The following ENTREP2 variants were observed in gnomAD, a reference collection of about 807,000 sequenced individuals.
The protein encoded by ENTREP2 is endosomal transmembrane epsin interactor 2.
chr15:29,343,092 C>T, the ENTREP2 span, among the ~76,000 whole-genome samples: 5 of 149,450 alleles, frequency 3.3e-5, no homozygotes, highest in Admixed American at 6.8e-5. Flanking sequence ...GTGGAAAAAG[C>T]GAAGGTACAT....
the ENTREP2 span, among the ~76,000 whole-genome samples, chr15:29,648,937 A>AG: frequency 6.8e-6 from 1 of 147,106 alleles, no homozygotes; most frequent in African/African-American, 2.5e-5. Context: ...GAAAACTCTA[A>AG]AAAAAAAAAA....
the ENTREP2 span, among the ~76,000 whole-genome samples, chr15:29,498,230 G>GT: frequency 1.4e-4 from 22 of 152,280 alleles, no homozygotes; most frequent in Middle Eastern, 3.4e-3. Context: ...ATGTGGAACT[G>GT]TGAGTCAATT....
chr15:29,536,539 G>A, the ENTREP2 span, among the ~76,000 whole-genome samples: 1 of 151,332 alleles, frequency 6.6e-6, no homozygotes, highest in Non-Finnish European at 1.5e-5. Flanking sequence ...GGGAGGCAGA[G>A]GTTGCAGTGA....
At chr15:29,179,640 G>C in the ENTREP2 span, among the ~76,000 whole-genome samples, 3 of 151,554 alleles carry the variant, frequency 2.0e-5, no homozygotes, top group Non-Finnish European at 4.4e-5. Flanking sequence ...GAGTGCAGTG[G>C]TGCGATCTCA....
the ENTREP2 span, among the ~76,000 whole-genome samples, chr15:29,380,335 G>A: frequency 1.3e-5 from 2 of 152,170 alleles, no homozygotes; most frequent in Non-Finnish European, 2.9e-5. Flanking sequence ...CATGAAGGAA[G>A]AGGTGTTTTT....
the ENTREP2 span, chr15:29,151,847 A>C: frequency 6.5e-7 from 1 of 1,546,524 alleles, no homozygotes; most frequent in South Asian, 1.2e-5. Flanking sequence ...AGATCCTGCG[A>C]GGAAAGGTGC....
At chr15:29,448,868 A>T in the ENTREP2 span, among the ~76,000 whole-genome samples, 1 of 152,188 alleles carries the variant, frequency 6.6e-6, no homozygotes, top group Non-Finnish European at 1.5e-5. Context: ...AAAGTATAAA[A>T]GATACAAATG....
chr15:29,173,498 T>C, the ENTREP2 span, among the ~76,000 whole-genome samples: 1 of 152,184 alleles, frequency 6.6e-6, no homozygotes, highest in African/African-American at 2.4e-5. Context: ...TGTGAGGGGA[T>C]GACTGGCTTA....
the ENTREP2 span, among the ~76,000 whole-genome samples, chr15:29,384,404 C>T: frequency 2.0e-5 from 3 of 152,164 alleles, no homozygotes; most frequent in African/African-American, 4.8e-5. Context: ...TGCCGGCACG[C>T]TCCTGTTTCA....
chr15:29,641,216 ATACT>A, the ENTREP2 span, among the ~76,000 whole-genome samples: 1 of 152,202 alleles, frequency 6.6e-6, no homozygotes, highest in South Asian at 2.1e-4. Flanking sequence ...AGCTAATATC[ATACT>A]TAGTAGAGAG....
the ENTREP2 span, among the ~76,000 whole-genome samples, chr15:29,461,920 C>T: frequency 6.6e-6 from 1 of 152,004 alleles, no homozygotes; most frequent in Non-Finnish European, 1.5e-5. Context: ...TCCCTAGCCC[C>T]GTCCCTGGCA....
At chr15:29,279,941 A>G in the ENTREP2 span, among the ~76,000 whole-genome samples, 357 of 144,788 alleles carry the variant, frequency 2.5e-3, 1 homozygote, top group Middle Eastern at 7.1e-3. Context: ...GCTCGCCTGG[A>G]AAAAAAAAAA....
At chr15:29,395,653 G>A in the ENTREP2 span, among the ~76,000 whole-genome samples, 2 of 150,930 alleles carry the variant, frequency 1.3e-5, no homozygotes, top group East Asian at 2.0e-4. Flanking sequence ...TCAGCCTCCC[G>A]AGTAGTTGGG....
the ENTREP2 span, among the ~76,000 whole-genome samples, chr15:29,258,074 G>A: frequency 7.2e-5 from 11 of 152,038 alleles, no homozygotes; most frequent in Non-Finnish European, 1.0e-4. Context: ...TTAGCCGGGC[G>A]TGCTGGCACG....
At chr15:29,283,353 C>T in the ENTREP2 span, among the ~76,000 whole-genome samples, 1 of 152,172 alleles carries the variant, frequency 6.6e-6, no homozygotes, top group Non-Finnish European at 1.5e-5. Context: ...TCTATCTCTT[C>T]TTCTTTTTTT....
At chr15:29,336,308 T>C in the ENTREP2 span, among the ~76,000 whole-genome samples, 1 of 151,744 alleles carries the variant, frequency 6.6e-6, no homozygotes, top group African/African-American at 2.4e-5. Flanking sequence ...CCAACATTAA[T>C]ATGGTTTGTT....
the ENTREP2 span, among the ~76,000 whole-genome samples, chr15:29,284,854 C>T: frequency 2.6e-5 from 4 of 152,220 alleles, no homozygotes; most frequent in Non-Finnish European, 4.4e-5. Context: ...GAGTGAATCT[C>T]GTAATATTTA....
the ENTREP2 span, among the ~76,000 whole-genome samples, chr15:29,401,518 G>A: frequency 6.6e-6 from 1 of 152,178 alleles, no homozygotes; most frequent in Non-Finnish European, 1.5e-5. Context: ...GATGGCAAAG[G>A]GCAGAGGGGA....
chr15:29,233,768 T>C, the ENTREP2 span: 2,120 of 1,534,532 alleles, frequency 1.4e-3, 19 homozygotes, highest in African/African-American at 0.025. Flanking sequence ...ATCAGTCTGA[T>C]GATGTGTGTG....
Sources: gnomAD v4.1 joint callset for allele counts (sites outside exome capture counted in the v4.1 genomes callset) on GRCh38, gnomAD v4.1.1 for gene constraint, MANE v1.5 for transcripts, NCBI Gene and HGNC (gene_info 2026-07-23, HGNC 2026-07-21) for gene names.